Variants in LRRC4C observed in about 807,000 individuals in gnomAD.
The protein encoded by LRRC4C is leucine-rich repeat-containing protein 4C.
LRRC4C carries 5 observed loss-of-function variants against 33.6 expected under a neutral mutation model. The ratio of observed to expected loss-of-function variants is 0.15; its 90% CI spans 0.08 to 0.31. The LOEUF (loss-of-function observed/expected upper bound fraction) is 0.31, where lower values mean the gene tolerates loss of function less well. Ranked by LOEUF, LRRC4C falls within the 10% of genes least tolerant of loss-of-function variation. LRRC4C has a pLI of 1.00. For synonymous variants in LRRC4C, 329 were observed against 302.0 expected (o/e 1.09, Z -0.93); for missense variants, 560 against 796.7 (o/e 0.70, Z 3.58).
At chr11:40,504,223 T>C (rs1193069511) in intron 3 of LRRC4C, among the ~76,000 whole-genome samples, 2 of 152,070 alleles carry the variant, frequency 1.3e-5, no homozygotes, top group Non-Finnish European at 2.9e-5. Flanking sequence ...GAACAATTAA[T>C]GGATAAATGA....
chr11:40,696,662 C>G (rs931259839), intron 2 of LRRC4C, among the ~76,000 whole-genome samples: 2 of 147,916 alleles, frequency 1.4e-5, no homozygotes, highest in East Asian at 4.0e-4. Flanking sequence ...AGAAAACATA[C>G]CCCCAGCAGC....
At chr11:40,738,009 G>C (rs902815701) in intron 2 of LRRC4C, among the ~76,000 whole-genome samples, 2 of 152,072 alleles carry the variant, frequency 1.3e-5, no homozygotes, top group African/African-American at 4.8e-5. Flanking sequence ...CATGGTACTG[G>C]TACCAAAACA....
chr11:41,195,228 A>T (rs1040036743), intron 1 of LRRC4C, among the ~76,000 whole-genome samples: 1 of 152,104 alleles, frequency 6.6e-6, no homozygotes, highest in African/African-American at 2.4e-5. Context: ...CCCTTTGTAA[A>T]TTGCCCATTA....
intron 1 of LRRC4C, among the ~76,000 whole-genome samples, chr11:41,075,350 G>A (rs1418749516): frequency 1.3e-5 from 2 of 152,090 alleles, no homozygotes; most frequent in African/African-American, 2.4e-5. Flanking sequence ...TAGTTTACCA[G>A]AATGAGAATG....
chr11:40,469,571 C>T (rs796318298), intron 3 of LRRC4C, among the ~76,000 whole-genome samples: 32 of 152,194 alleles, frequency 2.1e-4, no homozygotes, highest in African/African-American at 7.0e-4. Flanking sequence ...AGCCAGGGAG[C>T]CAAGTGGTCT....
At chr11:41,094,130 A>G (rs924702827) in intron 1 of LRRC4C, among the ~76,000 whole-genome samples, 3 of 151,366 alleles carry the variant, frequency 2.0e-5, no homozygotes, top group Non-Finnish European at 4.4e-5. Flanking sequence ...GAAAAAAAAA[A>G]AGTGACAGAC....
chr11:41,144,104 TA>T (rs1251928681), intron 1 of LRRC4C, among the ~76,000 whole-genome samples: 2 of 152,170 alleles, frequency 1.3e-5, no homozygotes, highest in Admixed American at 1.3e-4. Flanking sequence ...CCCATTATCT[TA>T]TTGAAGCACA....
intron 1 of LRRC4C, among the ~76,000 whole-genome samples, chr11:41,139,328 A>G (rs1943403940): frequency 1.3e-5 from 2 of 152,204 alleles, no homozygotes; most frequent in East Asian, 3.8e-4. Flanking sequence ...TTCATATGAT[A>G]TACTTGCTCA....
Position 41,359,831 on chromosome 11 carries a change from C to T in LRRC4C, c.-496+99600G>A, listed in dbSNP as rs570506686. ...ATAGCCTGCGTGCTTAACCACTTAA[C>T]ATGATGCCTCATCACTTTGAGAAGC... On this transcript the variant is annotated intron_variant, in intron 1 of 6. Transcript: ENST00000528697. Among the ~76,000 whole-genome samples, 8 of 152,246 alleles carry T rather than the reference C, an allele frequency of 5.3e-5. No homozygotes were observed. The South Asian group carries it at 1.0e-3, about 20-fold the overall frequency.
chr11:40,430,914 A>T (rs1001562472), intron 3 of LRRC4C, among the ~76,000 whole-genome samples: 1 of 114,180 alleles, frequency 8.8e-6, no homozygotes, highest in Admixed American at 1.2e-4. Flanking sequence ...ACATGGACAC[A>T]GGAAGGGGAA....
intron 1 of LRRC4C, among the ~76,000 whole-genome samples, chr11:41,268,302 AG>A (rs1949215610): frequency 6.6e-6 from 1 of 152,056 alleles, no homozygotes; most frequent in Non-Finnish European, 1.5e-5. Flanking sequence ...ACCTTAAATG[AG>A]ATCTAAGCCC....
intron 1 of LRRC4C, among the ~76,000 whole-genome samples, chr11:41,211,215 A>T (rs1946807338): frequency 1.3e-5 from 2 of 152,116 alleles, no homozygotes; most frequent in African/African-American, 4.8e-5. Context: ...AATTTTTATG[A>T]ATTACTCCAT....
chr11:41,026,396 T>G (rs1244424117), intron 1 of LRRC4C, among the ~76,000 whole-genome samples: 1 of 151,490 alleles, frequency 6.6e-6, no homozygotes, highest in Non-Finnish European at 1.5e-5. Context: ...GAAAATACAA[T>G]TGAGTTGCTG....
At chr11:40,714,203 T>G (rs1946601818) in intron 2 of LRRC4C, among the ~76,000 whole-genome samples, 1 of 152,180 alleles carries the variant, frequency 6.6e-6, no homozygotes. Context: ...AACACCTTCA[T>G]TTCAACAACA....
At chr11:40,454,302 TCTCA>T (rs1213518435) in intron 3 of LRRC4C, among the ~76,000 whole-genome samples, 3 of 152,098 alleles carry the variant, frequency 2.0e-5, no homozygotes, top group African/African-American at 7.2e-5. Flanking sequence ...CCTATAATCT[TCTCA>T]CTCTCACTCA....
rs1953108369 is a variant in LRRC4C, at chr11:41,380,642, A to T, written c.-496+78789T>A. ...TGGATAAGCTGGTAGAAAGGTAAAC[A>T]GGATAAGTAAAAATGGGAACCCATA... On this transcript the variant is annotated intron_variant, in intron 1 of 6. Coordinates refer to ENST00000528697, the MANE Select transcript of LRRC4C (RefSeq NM_001258419.2). Among the ~76,000 whole-genome samples the T allele has an allele frequency of 2.6e-5, 4 of 152,282 alleles. No homozygotes were observed. In the South Asian group the frequency reaches 8.3e-4, roughly 32 times the overall value.
At chr11:41,245,132 T>G (rs1039907310) in intron 1 of LRRC4C, among the ~76,000 whole-genome samples, 1 of 152,214 alleles carries the variant, frequency 6.6e-6, no homozygotes, top group Non-Finnish European at 1.5e-5. Context: ...AAATTAATAT[T>G]CACCTCTTTA....
intron 3 of LRRC4C, among the ~76,000 whole-genome samples, chr11:40,595,777 C>T (rs1464099547): frequency 6.6e-6 from 1 of 152,004 alleles, no homozygotes; most frequent in Non-Finnish European, 1.5e-5. Context: ...ATATTTCTGA[C>T]TTTTATTTTC....
At chr11:40,517,898 G>C (rs966807672) in intron 3 of LRRC4C, among the ~76,000 whole-genome samples, 1 of 152,080 alleles carries the variant, frequency 6.6e-6, no homozygotes, top group Non-Finnish European at 1.5e-5. Flanking sequence ...GCATGGTACT[G>C]GTACCAAAAC....
Sources: allele counts gnomAD v4.1 joint callset (sites outside exome capture counted in the v4.1 genomes callset), GRCh38; gene constraint gnomAD v4.1.1; transcripts MANE v1.5; gene names NCBI Gene and HGNC (gene_info 2026-07-23, HGNC 2026-07-21).